Variants in SGK3 observed in about 807,000 individuals in gnomAD.
The protein encoded by SGK3 is serum/glucocorticoid regulated kinase family member 3.
SGK3 carries 47 observed loss-of-function variants against 68.5 expected under a neutral mutation model. The observed-to-expected ratio is 0.69, with a 90% CI of 0.54 to 0.87. The LOEUF (loss-of-function observed/expected upper bound fraction) is 0.87. Ranked by LOEUF, SGK3 falls within the 40% of genes least tolerant of loss-of-function variation. SGK3 has a pLI of 0.00. For missense variants in SGK3, 479 were observed against 575.5 expected, an observed-to-expected ratio of 0.83 and a Z score of 1.72; for synonymous variants, 181 against 189.1, an observed-to-expected ratio of 0.96 and a Z score of 0.35.
intron 1 of SGK3, among the ~76,000 whole-genome samples, chr8:66,715,476 T>C (rs1804606978): frequency 6.6e-6 from 1 of 152,200 alleles, no homozygotes; most frequent in African/African-American, 2.4e-5. Flanking sequence ...CAGGCTATTA[T>C]CAAACCCCTG....
intron 1 of SGK3, among the ~76,000 whole-genome samples, chr8:66,780,372 AC>A (rs1806924250): frequency 6.6e-6 from 1 of 152,188 alleles, no homozygotes; most frequent in African/African-American, 2.4e-5. Flanking sequence ...CAGTTCCCAC[AC>A]CCTAGTCAGG....
At chr8:66,828,528 T>C in intron 6 of SGK3, 126 bp from the exon 7 acceptor site, 1 of 1,282,400 alleles carries the variant, frequency 7.8e-7, no homozygotes. Context: ...AATCAGGACT[T>C]TGGGTTTCTT....
chr8:66,845,750 G>T (rs998152887), intron 14 of SGK3, among the ~76,000 whole-genome samples: 6 of 150,350 alleles, frequency 4.0e-5, no homozygotes, highest in African/African-American at 1.5e-4. Context: ...TAGAGACAGG[G>T]TGTCGCCATG....
At chr8:66,738,315 T>C (rs985917398) in intron 1 of SGK3, among the ~76,000 whole-genome samples, 2 of 152,244 alleles carry the variant, frequency 1.3e-5, no homozygotes, top group Non-Finnish European at 2.9e-5. Flanking sequence ...CCCTCTTAAA[T>C]GATATCTCTA....
At chr8:66,788,516 G>C (rs1807302345) in intron 1 of SGK3, among the ~76,000 whole-genome samples, 1 of 152,178 alleles carries the variant, frequency 6.6e-6, no homozygotes, top group African/African-American at 2.4e-5. Flanking sequence ...CAGTACTACT[G>C]GGTGTGCTGA....
At chr8:66,771,498 T>C (rs1369719388) in intron 1 of SGK3, among the ~76,000 whole-genome samples, 1 of 152,208 alleles carries the variant, frequency 6.6e-6, no homozygotes, top group Non-Finnish European at 1.5e-5. Context: ...AAATTTACTC[T>C]CTAAAGACCT....
intron 1 of SGK3, among the ~76,000 whole-genome samples, chr8:66,748,102 C>T (rs1805702760): frequency 6.6e-6 from 1 of 152,152 alleles, no homozygotes; most frequent in Admixed American, 6.5e-5. Flanking sequence ...AGGCTCAGCT[C>T]TTGTTATTGA....
At position 66,793,850 on chromosome 8, in the gene SGK3, A is replaced by G; in HGVS notation, c.96+18A>G. 6.2e-7 allele frequency: 1 copy of G among 1,606,616 alleles called. No homozygotes were observed. Among genetic ancestry groups the G allele is most frequent in the Non-Finnish European group, 8.5e-7 (1 of 1,176,058 alleles). ...GGTTTACTGTAAGTATTTAACATAA[A>G]GCATGTGGGAAAAAAGTTGAATGTA... On this transcript the variant is annotated intron_variant, in intron 2 of 16. Transcript: ENST00000521198.
At chr8:66,721,073 T>C (rs1804781503) in intron 1 of SGK3, among the ~76,000 whole-genome samples, 2 of 152,248 alleles carry the variant, frequency 1.3e-5, no homozygotes, top group African/African-American at 4.8e-5. Flanking sequence ...ATGGTGGGAA[T>C]AGGTGACCTT....
At chr8:66,757,306 A>AT (rs1012266491) in intron 1 of SGK3, among the ~76,000 whole-genome samples, 1 of 151,110 alleles carries the variant, frequency 6.6e-6, no homozygotes, top group East Asian at 2.0e-4. Context: ...TAATTTTTGT[A>AT]TTTTTTTTGT....
intron 1 of SGK3, among the ~76,000 whole-genome samples, chr8:66,741,806 G>A (rs77026609): frequency 0.032 from 4,886 of 152,228 alleles, 137 homozygotes; most frequent in African/African-American, 0.067. Context: ...CAAGGGATAG[G>A]CACAGTACCA....
chr8:66,779,102 C>T (rs999295547), intron 1 of SGK3, among the ~76,000 whole-genome samples: 2 of 151,914 alleles, frequency 1.3e-5, no homozygotes, highest in Non-Finnish European at 2.9e-5. Context: ...TCCTGATTGT[C>T]CTGGATGTGT....
intron 10 of SGK3, among the ~76,000 whole-genome samples, chr8:66,837,383 T>G (rs1809580015): frequency 6.6e-6 from 1 of 152,106 alleles, no homozygotes; most frequent in South Asian, 2.1e-4. Flanking sequence ...GTAAGGAAAA[T>G]TAGTTAATAT....
chr8:66,798,704 A>T, intron 3 of SGK3, 79 bp downstream of exon 3: 1 of 1,219,178 alleles, frequency 8.2e-7, no homozygotes, highest in Non-Finnish European at 1.2e-6. Context: ...TATTTGAATG[A>T]TTAAATTGAT....
At position 66,833,752 on chromosome 8, in the gene SGK3, C is replaced by T. The variant is rs574553204; in HGVS notation, c.526-2011C>T. Among the ~76,000 whole-genome samples the T allele has an allele frequency of 5.3e-5, 8 of 152,250 alleles. No individual in the cohort carries two copies. The East Asian group carries it at 5.8e-4, about 11-fold the overall frequency. ...TGTTGCCCAGGCTGGAGTGCGGTGG[C>T]GCAATCTCGGCTCACTGCAACCTCT... On this transcript the variant is annotated intron_variant, in intron 8 of 16. Transcript: ENST00000521198.
intron 2 of SGK3, among the ~76,000 whole-genome samples, chr8:66,797,151 TGTATTTGGGTAGC>T (rs1439149193): frequency 6.6e-6 from 1 of 152,214 alleles, no homozygotes; most frequent in Non-Finnish European, 1.5e-5. Context: ...TGGTCTTGGC[TGTATTTGGGTAGC>T]CAGGGGAGGC....
At chr8:66,825,364 C>A (rs904691271) in intron 6 of SGK3, among the ~76,000 whole-genome samples, 11 of 147,836 alleles carry the variant, frequency 7.4e-5, no homozygotes, top group South Asian at 2.1e-4. Context: ...AGTCTCGCTC[C>A]GTCGCCCAGG....
chr8:66,724,267 T>C (rs1227857413), intron 1 of SGK3, among the ~76,000 whole-genome samples: 1 of 151,986 alleles, frequency 6.6e-6, no homozygotes. Flanking sequence ...GGCGTGAGCC[T>C]CCATACCCAG....
At chr8:66,749,144 ATATTG>A (rs1805735711) in intron 1 of SGK3, among the ~76,000 whole-genome samples, 2 of 152,200 alleles carry the variant, frequency 1.3e-5, no homozygotes, top group South Asian at 4.1e-4. Flanking sequence ...GGATGGACCC[ATATTG>A]TATTATTCAG....
Sources: gnomAD v4.1 joint callset for allele counts (sites outside exome capture counted in the v4.1 genomes callset) on GRCh38, gnomAD v4.1.1 for gene constraint, MANE v1.5 for transcripts, NCBI Gene and HGNC (gene_info 2026-07-23, HGNC 2026-07-21) for gene names.